Variants in NOS1AP observed in about 807,000 individuals in gnomAD.
NOS1AP encodes carboxyl-terminal PDZ ligand of neuronal nitric oxide synthase protein.
In NOS1AP, 21 loss-of-function variants were observed where a neutral mutation model predicts 56.2. The ratio of observed to expected loss-of-function variants is 0.37; its 90% CI spans 0.26 to 0.54. The LOEUF (loss-of-function observed/expected upper bound fraction) is 0.54. Ranked by LOEUF, NOS1AP falls within the 20% of genes least tolerant of loss-of-function variation. The probability of loss-of-function intolerance (pLI) is 0.84; values close to 1 mark genes in which losing one functional copy is unlikely to be tolerated. For synonymous variants in NOS1AP, 270 were observed against 274.6 expected (o/e 0.98, Z 0.17); for missense variants, 522 against 657.8 (o/e 0.79, Z 2.26).
At chr1:162,242,993 A>T (rs1325989397) in intron 2 of NOS1AP, among the ~76,000 whole-genome samples, 1 of 147,262 alleles carries the variant, frequency 6.8e-6, no homozygotes, top group Admixed American at 6.9e-5. Context: ...ACGCATACCC[A>T]TGTATACATA....
chr1:162,282,418 T>G (rs1347130969), intron 2 of NOS1AP, among the ~76,000 whole-genome samples: 1 of 152,250 alleles, frequency 6.6e-6, no homozygotes, highest in Non-Finnish European at 1.5e-5. Flanking sequence ...AATATTACAT[T>G]GTATGTATAC....
chr1:162,256,184 T>C (rs1385138189), intron 2 of NOS1AP, among the ~76,000 whole-genome samples: 1 of 151,772 alleles, frequency 6.6e-6, no homozygotes, highest in Non-Finnish European at 1.5e-5. Context: ...TAAATTGGAA[T>C]AGAGGTAAGC....
chr1:162,250,980 A>G (rs1381083930), intron 2 of NOS1AP, among the ~76,000 whole-genome samples: 2 of 152,128 alleles, frequency 1.3e-5, no homozygotes, highest in African/African-American at 4.8e-5. Flanking sequence ...ACACCTTATC[A>G]TAGCCCCACT....
chr1:162,365,393 C>T lies in NOS1AP; in HGVS notation c.940-11C>T. 1 of 1,614,164 alleles carries T rather than the reference C, an allele frequency of 6.2e-7. No homozygotes were observed. Among genetic ancestry groups the T allele is most frequent in the South Asian group, 1.1e-5 (1 of 91,080 alleles). On this transcript the variant is annotated splice_polypyrimidine_tract_variant and intron_variant, in intron 8 of 9. Coordinates refer to ENST00000361897, the MANE Select transcript of NOS1AP (RefSeq NM_014697.3). ...TGTCCTGTCTTCTCTGCCGCTGCCT[C>T]TTCTCTGCAGGTACACTTGCTGAAG...
At chr1:162,123,970 C>T (rs892350863) in intron 1 of NOS1AP, among the ~76,000 whole-genome samples, 1 of 152,084 alleles carries the variant, frequency 6.6e-6, no homozygotes, top group Non-Finnish European at 1.5e-5. Context: ...TCTCTACAGA[C>T]TTTATTTAAA....
At chr1:162,325,836 T>C (rs530270591) in intron 4 of NOS1AP, among the ~76,000 whole-genome samples, 179 of 152,140 alleles carry the variant, frequency 1.2e-3, no homozygotes, top group African/African-American at 4.2e-3. Flanking sequence ...CTTTTGGGGT[T>C]AGGAATGCCC....
chr1:162,224,041 T>C (rs1278098910), intron 2 of NOS1AP, among the ~76,000 whole-genome samples: 1 of 152,220 alleles, frequency 6.6e-6, no homozygotes, highest in Non-Finnish European at 1.5e-5. Context: ...TAAATACTGA[T>C]TTTAATTTGT....
At chr1:162,307,936 T>C (rs1655893101) in intron 4 of NOS1AP, among the ~76,000 whole-genome samples, 1 of 152,104 alleles carries the variant, frequency 6.6e-6, no homozygotes, top group African/African-American at 2.4e-5. Context: ...GGAAGAAGGG[T>C]TGCATGGAGA....
chr1:162,282,653 G>A (rs12733377), intron 2 of NOS1AP, among the ~76,000 whole-genome samples: 57,512 of 152,088 alleles, frequency 0.38, 13,903 homozygotes, highest in Non-Finnish European at 0.54. Context: ...TTGGAGATCT[G>A]CTCACACTCC....
chr1:162,268,457 A>G (rs1654492005), intron 2 of NOS1AP, among the ~76,000 whole-genome samples: 2 of 152,162 alleles, frequency 1.3e-5, no homozygotes, highest in Non-Finnish European at 2.9e-5. Context: ...TTTATAACAA[A>G]GCTCACTCAT....
chr1:162,269,834 T>C (rs768906362), intron 2 of NOS1AP, among the ~76,000 whole-genome samples: 5 of 150,170 alleles, frequency 3.3e-5, no homozygotes, highest in African/African-American at 4.9e-5. Context: ...AGTAGCCTGA[T>C]TTCCTAAAAG....
chr1:162,282,747 G>C (rs1222065918), intron 2 of NOS1AP, among the ~76,000 whole-genome samples: 1 of 152,160 alleles, frequency 6.6e-6, no homozygotes, highest in African/African-American at 2.4e-5. Flanking sequence ...GTGATCATTT[G>C]CAAGAAGCGA....
At chr1:162,253,555 C>A (rs1361578619) in intron 2 of NOS1AP, among the ~76,000 whole-genome samples, 1 of 152,216 alleles carries the variant, frequency 6.6e-6, no homozygotes, top group Non-Finnish European at 1.5e-5. Context: ...TCAAAATAAG[C>A]AAGATTAACC....
chr1:162,116,321 C>T (rs10800311), intron 1 of NOS1AP, among the ~76,000 whole-genome samples: 77,598 of 151,970 alleles, frequency 0.51, 21,842 homozygotes, highest in Non-Finnish European at 0.64. Flanking sequence ...GCTTCCAGAA[C>T]GGGCTGCTCC....
rs74699589 is a variant in NOS1AP at position 162,263,289 on chromosome 1, G to A, written c.178-24055G>A. Among the ~76,000 whole-genome samples, 66 of 152,092 alleles carry A rather than the reference G, an allele frequency of 4.3e-4. No homozygotes were observed. The East Asian group carries it at 9.8e-3, about 23-fold the overall frequency. On this transcript the variant is annotated intron_variant, in intron 2 of 9. Coordinates refer to ENST00000361897, the MANE Select transcript of NOS1AP (RefSeq NM_014697.3). ...CTGGAAGCTGGAAATTTAAGATCAC[G>A]GTACTGGCCTCTGGCAAAGCCCTTT...
intron 2 of NOS1AP, among the ~76,000 whole-genome samples, chr1:162,217,471 G>A (rs1399812744): frequency 6.6e-6 from 1 of 151,658 alleles, no homozygotes; most frequent in African/African-American, 2.4e-5. Flanking sequence ...CACCATGTTG[G>A]CCAGGCTGGT....
chr1:162,122,951 G>A (rs1024034454), intron 1 of NOS1AP, among the ~76,000 whole-genome samples: 2 of 152,052 alleles, frequency 1.3e-5, no homozygotes, highest in African/African-American at 4.8e-5. Flanking sequence ...AGTATATATA[G>A]AATAGTTTTA....
intron 6 of NOS1AP, among the ~76,000 whole-genome samples, chr1:162,350,971 A>G (rs1428311126): frequency 6.6e-6 from 1 of 152,226 alleles, no homozygotes; most frequent in Non-Finnish European, 1.5e-5. Context: ...TCCACTCTTG[A>G]TACCTTTGCT....
intron 2 of NOS1AP, among the ~76,000 whole-genome samples, chr1:162,280,359 T>C (rs1333806918): frequency 3.3e-5 from 5 of 152,226 alleles, no homozygotes; most frequent in Non-Finnish European, 5.9e-5. Flanking sequence ...ACTTAAAAAA[T>C]AGTACATATA....
Sources: allele counts gnomAD v4.1 joint callset (sites outside exome capture counted in the v4.1 genomes callset), GRCh38; gene constraint gnomAD v4.1.1; transcripts MANE v1.5; gene names NCBI Gene and HGNC (gene_info 2026-07-23, HGNC 2026-07-21).